The following ZC3H13 variants were observed in gnomAD, a reference collection of about 807,000 sequenced individuals.
ZC3H13 encodes the protein zinc finger CCCH domain-containing protein 13.
A neutral mutation model predicts 204.1 loss-of-function variants in ZC3H13; 64 were observed. The ratio of observed to expected loss-of-function variants is 0.31; its 90% CI spans 0.26 to 0.39. The LOEUF (loss-of-function observed/expected upper bound fraction) is 0.39, where lower values mean the gene tolerates loss of function less well. Among genes scored for constraint, ZC3H13 ranks in the 10% least tolerant of loss-of-function variants. ZC3H13 has a pLI of 1.00. For synonymous variants in ZC3H13, 667 were observed against 693.7 expected, an observed-to-expected ratio of 0.96 and a Z score of 0.60; for missense variants, 1,833 against 2,082.7, an observed-to-expected ratio of 0.88 and a Z score of 2.33.
intron 5 of ZC3H13, among the ~76,000 whole-genome samples, chr13:46,018,244 G>C (rs922080163): frequency 1.3e-5 from 2 of 152,142 alleles, no homozygotes; most frequent in Non-Finnish European, 2.9e-5. Context: ...CAATGAGGAG[G>C]TCATTAGTGA....
intron 5 of ZC3H13, among the ~76,000 whole-genome samples, chr13:46,018,616 G>T (rs1322196195): frequency 6.6e-6 from 1 of 152,110 alleles, no homozygotes; most frequent in Middle Eastern, 3.2e-3. Flanking sequence ...GTGGTAGGAG[G>T]AAGTTGAGGG....
chr13:46,045,346 T>C (rs371953182), intron 2 of ZC3H13, 45 bp downstream of exon 2: 275 of 1,475,724 alleles, frequency 1.9e-4, no homozygotes, highest in Non-Finnish European at 2.3e-4. Context: ...ATTTCAATAA[T>C]AGAATTCTAA....
chr13:46,045,645 A>T, intron 1 of ZC3H13, 129 bp from the exon 2 acceptor site: 4 of 232,214 alleles, frequency 1.7e-5, no homozygotes. Flanking sequence ...TTGGGAGATT[A>T]AAAAAAAAAA....
rs758025569 is a variant in ZC3H13, at chr13:45,985,469, A to G, written c.1548T>C (p.His516=). The change falls in exon 10 of 19, where the codon CAT becomes CAC. Residue 516 remains histidine (H), a synonymous_variant. Transcript: ENST00000679008. ...DYRDREGRDT[H]RKEDTYPEES... is the part of the protein sequence containing the mutation. ...CTTCTGGATATGTATCCTCCTTTCGATGAGTATCTCGACCTTCACGGTCCC... is the reference window on the plus strand; with the variant it reads ...CTTCTGGATATGTATCCTCCTTTCGGTGAGTATCTCGACCTTCACGGTCCC... The G allele has an allele frequency of 6.2e-7, 1 of 1,614,084 alleles. No homozygotes were observed. Among genetic ancestry groups the G allele is most frequent in the East Asian group, 2.2e-5 (1 of 44,876 alleles).
rs1470954795 is a variant in ZC3H13 at position 45,956,057 on chromosome 13, A to G, written c.*1070T>C. On this transcript the variant is annotated 3_prime_UTR_variant, in exon 19 of 19. Transcript: ENST00000679008. ...TCAAATCCTTCTAAGAGTCCACTTC[A>G]TGAGTTAAACATATACATATAGAAC... The G allele has an allele frequency of 6.6e-6, 1 of 152,174 alleles. No homozygotes were observed. Among genetic ancestry groups the G allele is most frequent in the Non-Finnish European group, 1.5e-5 (1 of 68,010 alleles). 9.4% of individuals were successfully genotyped at this position (152,174 alleles called of 1,614,324 possible).
intron 1 of ZC3H13, among the ~76,000 whole-genome samples, chr13:46,047,029 A>G (rs1200674743): frequency 1.3e-5 from 2 of 152,196 alleles, no homozygotes; most frequent in African/African-American, 2.4e-5. Context: ...TAGTCTCTAT[A>G]AAGATCACAA....
rs1409984096 is a variant in ZC3H13 at position 45,975,705 on chromosome 13, T to G, written c.2046A>C (p.Glu682Asp). ...TCTCCCGCTCCCTGTCTCGTTCTCG[T>G]TCCCGATCTCTCTCTCTAGCCCTTT... ...RDERARERDR[E>D]RERDRERERE... Residue 682 changes from glutamate to aspartate, a missense_variant, in exon 12 of 19, where the codon GAA becomes GAC. Physicochemically the swap from Glu to Asp is conservative, Grantham distance 45. This residue lies in a region of ZC3H13 where 1,574 missense variants were observed against 1,757.2 expected (regional missense o/e 0.90). Transcript: ENST00000679008. 6.2e-7 allele frequency: 1 copy of G among 1,613,586 alleles called. No individual in the cohort carries two copies. Among genetic ancestry groups the G allele is most frequent in the East Asian group, 2.2e-5 (1 of 44,862 alleles).
chr13:45,963,333 T>G (rs1485958863), intron 17 of ZC3H13: 2 of 986,392 alleles, frequency 2.0e-6, no homozygotes, highest in African/African-American at 3.5e-5. Flanking sequence ...TCTTTAGACA[T>G]GAAAAATATG....
At chr13:45,977,255 T>G (rs1388906886) in intron 11 of ZC3H13, among the ~76,000 whole-genome samples, 2 of 152,168 alleles carry the variant, frequency 1.3e-5, no homozygotes, top group Non-Finnish European at 2.9e-5. Context: ...ATTGTCTGAA[T>G]TCCTGGTTTG....
At chr13:46,017,040 A>G (rs1037613258) in intron 5 of ZC3H13, among the ~76,000 whole-genome samples, 45 of 152,100 alleles carry the variant, frequency 3.0e-4, no homozygotes, top group African/African-American at 9.4e-4. Flanking sequence ...TAAGATACAT[A>G]ACTCAGATGG....
At chr13:46,023,337 T>G (rs1183899851) in intron 4 of ZC3H13, among the ~76,000 whole-genome samples, 1 of 152,208 alleles carries the variant, frequency 6.6e-6, no homozygotes, top group Non-Finnish European at 1.5e-5. Flanking sequence ...TTATGCCCAT[T>G]GCATCTTTCT....
intron 10 of ZC3H13, among the ~76,000 whole-genome samples, chr13:45,984,703 G>T (rs1274193200): frequency 6.6e-6 from 1 of 152,152 alleles, no homozygotes; most frequent in Admixed American, 6.5e-5. Flanking sequence ...CAGTGTTTGG[G>T]GAGAGGGGAG....
At chr13:46,030,408 T>A (rs1299206398) in intron 4 of ZC3H13, among the ~76,000 whole-genome samples, 1 of 152,198 alleles carries the variant, frequency 6.6e-6, no homozygotes, top group Non-Finnish European at 1.5e-5. Context: ...ATAAAAAGAA[T>A]ACAGATTATT....
intron 7 of ZC3H13, chr13:46,010,040 T>A (rs767495969): frequency 5.4e-5 from 10 of 183,496 alleles, no homozygotes; most frequent in Non-Finnish European, 1.1e-4. Flanking sequence ...CACATATTAG[T>A]TAAAGTATAA....
At chr13:46,006,490 T>A (rs1367970136) in intron 7 of ZC3H13, among the ~76,000 whole-genome samples, 2 of 151,616 alleles carry the variant, frequency 1.3e-5, no homozygotes, top group East Asian at 3.9e-4. Flanking sequence ...TTAAGTTTGT[T>A]CCTGTTTACT....
chr13:46,045,111 A>C (rs1244238646), intron 2 of ZC3H13, 47 bp from the exon 3 acceptor site: 1 of 1,514,728 alleles, frequency 6.6e-7, no homozygotes, highest in Non-Finnish European at 9.0e-7. Context: ...ATTTCTGGAA[A>C]AAAAAAATGC....
rs148243148 is a variant in ZC3H13, at chr13:45,985,765, T to C, written c.1256-4A>G. 6.3e-7 allele frequency: 1 copy of C among 1,576,682 alleles called. No homozygotes were observed. The highest frequency in any genetic ancestry group is 8.6e-7 in the Non-Finnish European group (1 of 1,165,610). ...CTGTCTCGTTTGCCCCTAGTATCTG[T>C]AATGCAATTTTGGAAATTGACTGTA... On this transcript the variant is annotated splice_region_variant and splice_polypyrimidine_tract_variant and intron_variant, in intron 9 of 18. Transcript: ENST00000679008.
rs530314400 is a variant in ZC3H13, at chr13:45,971,748, T to C, written c.2469-1283A>G. 3.3e-5 allele frequency among the ~76,000 whole-genome samples: 5 copies of C among 152,254 alleles called. No homozygotes were observed. In the East Asian group the frequency reaches 7.7e-4, roughly 23 times the overall value. On this transcript the variant is annotated intron_variant, in intron 12 of 18. Coordinates refer to ENST00000679008, the MANE Select transcript of ZC3H13 (RefSeq NM_001330564.2). ...AATGGGAGAAAATGTTTGCAAACTA[T>C]GTATCCAACAAAGGACTAGTATCCA...
chr13:45,958,648 GTTTTTTTTTTTT>G (rs10539884), intron 18 of ZC3H13, among the ~76,000 whole-genome samples: 3 of 123,706 alleles, frequency 2.4e-5, no homozygotes, highest in Non-Finnish European at 5.0e-5. Flanking sequence ...AAAAATCCCA[GTTTTTTTTTTTT>G]TTTTTTTTTT....
Sources: allele counts gnomAD v4.1 joint callset (sites outside exome capture counted in the v4.1 genomes callset), GRCh38; gene constraint gnomAD v4.1.1; regional missense constraint gnomAD v4.1.1; transcripts MANE v1.5; gene names NCBI Gene and HGNC (gene_info 2026-07-23, HGNC 2026-07-21).